Variants in NRXN3 observed in about 807,000 individuals in gnomAD.
NRXN3 encodes neurexin 3.
A neutral mutation model predicts 137.6 loss-of-function variants in NRXN3; 32 were observed. The observed-to-expected ratio is 0.23, with a 90% CI of 0.18 to 0.31. NRXN3 has a LOEUF of 0.31. Ranked by LOEUF, NRXN3 falls within the 10% of genes least tolerant of loss-of-function variation. NRXN3 has a pLI of 1.00. For missense variants in NRXN3, 1,574 were observed against 2,062.5 expected, an observed-to-expected ratio of 0.76 and a Z score of 4.59; for synonymous variants, 798 against 784.5, an observed-to-expected ratio of 1.02 and a Z score of -0.29.
At chr14:79,732,613 G>A (rs1343207710) in intron 19 of NRXN3, among the ~76,000 whole-genome samples, 1 of 152,034 alleles carries the variant, frequency 6.6e-6, no homozygotes, top group East Asian at 1.9e-4. Flanking sequence ...TTAAAAACTG[G>A]GTCTTTTGTG....
At chr14:79,236,295 G>A (rs1478704760) in intron 15 of NRXN3, among the ~76,000 whole-genome samples, 1 of 151,894 alleles carries the variant, frequency 6.6e-6, no homozygotes, top group African/African-American at 2.4e-5. Flanking sequence ...TATTTATATG[G>A]TGTATATAGG....
intron 8 of NRXN3, among the ~76,000 whole-genome samples, chr14:78,781,066 T>G (rs970417441): frequency 1.3e-5 from 2 of 152,178 alleles, no homozygotes; most frequent in African/African-American, 2.4e-5. Context: ...CTCTATATAA[T>G]ATAATAACAT....
intron 19 of NRXN3, among the ~76,000 whole-genome samples, chr14:79,778,586 GTTGTTTGT>G (rs936094644): frequency 6.6e-6 from 1 of 152,142 alleles, no homozygotes; most frequent in African/African-American, 2.4e-5. Flanking sequence ...GGAGTAGCAT[GTTGTTTGT>G]TTGTTTGTTT....
intron 4 of NRXN3, among the ~76,000 whole-genome samples, chr14:78,415,886 A>G (rs569547883): frequency 2.0e-5 from 3 of 152,228 alleles, no homozygotes; most frequent in South Asian, 2.1e-4. Context: ...GAACCCAACT[A>G]TGCCGGCACA....
chr14:78,621,149 T>C lies in NRXN3; in HGVS notation c.758-23971T>C, dbSNP rs758871387. 2.8e-4 allele frequency among the ~76,000 whole-genome samples: 42 copies of C among 152,254 alleles called. 1 individual carries two copies. The highest frequency in any genetic ancestry group is 5.1e-4 in the Non-Finnish European group (35 of 68,012). On this transcript the variant is annotated intron_variant, in intron 4 of 20. Coordinates refer to ENST00000335750, the MANE Select transcript of NRXN3 (RefSeq NM_001330195.2). ...CAGAGAAATACCAAGATCTAGAGCA[T>C]TGAGGGATATTTTGATGAAGCTCTG...
At chr14:78,977,623 T>C (rs1192746673) in intron 14 of NRXN3, among the ~76,000 whole-genome samples, 2 of 152,178 alleles carry the variant, frequency 1.3e-5, no homozygotes, top group Non-Finnish European at 1.5e-5. Context: ...CTACCAGCCA[T>C]CCTCTCACTC....
chr14:78,216,636 G>T (rs2153419390), intron 1 of NRXN3, among the ~76,000 whole-genome samples: 1 of 152,336 alleles, frequency 6.6e-6, no homozygotes, highest in African/African-American at 2.4e-5. Context: ...AGTTTGAAAA[G>T]GAGCATAGCT....
intron 17 of NRXN3, among the ~76,000 whole-genome samples, chr14:79,672,132 A>G (rs1315682300): frequency 6.6e-6 from 1 of 152,182 alleles, no homozygotes; most frequent in African/African-American, 2.4e-5. Context: ...TGAGCAAAAG[A>G]ATAATTTTGC....
intron 16 of NRXN3, among the ~76,000 whole-genome samples, chr14:79,560,965 G>A (rs1359288752): frequency 6.6e-6 from 1 of 152,124 alleles, no homozygotes; most frequent in Non-Finnish European, 1.5e-5. Context: ...GCCTCTTTAT[G>A]AACCAGACGC....
At chr14:78,202,241 C>T (rs74063974) in intron 1 of NRXN3, among the ~76,000 whole-genome samples, 8,770 of 152,198 alleles carry the variant, frequency 0.058, 839 homozygotes, top group African/African-American at 0.2. Flanking sequence ...TGCCTGAAAA[C>T]GAAGGGAACA....
intron 4 of NRXN3, among the ~76,000 whole-genome samples, chr14:78,470,907 C>G (rs558392979): frequency 6.6e-6 from 1 of 152,080 alleles, no homozygotes; most frequent in Non-Finnish European, 1.5e-5. Flanking sequence ...CTGACAGCAA[C>G]CTTCCGAAGG....
At chr14:78,201,569 G>C (rs1286101842) in intron 1 of NRXN3, among the ~76,000 whole-genome samples, 1 of 152,216 alleles carries the variant, frequency 6.6e-6, no homozygotes, top group Admixed American at 6.5e-5. Context: ...TTGGAGCAGG[G>C]GGAGCCTGCA....
intron 3 of NRXN3, among the ~76,000 whole-genome samples, chr14:78,286,368 A>G (rs1023033201): frequency 1.3e-5 from 2 of 152,216 alleles, no homozygotes; most frequent in Admixed American, 6.5e-5. Context: ...ATTCTAGACC[A>G]GTTCCCTCCC....
intron 17 of NRXN3, among the ~76,000 whole-genome samples, chr14:79,666,614 T>TTTTCAG: frequency 6.6e-6 from 1 of 152,140 alleles, no homozygotes; most frequent in Non-Finnish European, 1.5e-5. Flanking sequence ...AATTGGGCAG[T>TTTTCAG]TTTCACTATT....
chr14:79,459,613 C>T (rs964400172), intron 15 of NRXN3, among the ~76,000 whole-genome samples: 11 of 151,972 alleles, frequency 7.2e-5, no homozygotes, highest in African/African-American at 2.4e-4. Context: ...GCCTGTGGTA[C>T]ATTTTACACA....
At chr14:79,542,105 G>C (rs895912558) in intron 16 of NRXN3, among the ~76,000 whole-genome samples, 1 of 152,186 alleles carries the variant, frequency 6.6e-6, no homozygotes, top group Admixed American at 6.5e-5. Flanking sequence ...GTTTTTCTGT[G>C]CATTGATTAA....
chr14:78,863,174 C>A (rs1041636211), intron 10 of NRXN3, among the ~76,000 whole-genome samples: 1 of 152,106 alleles, frequency 6.6e-6, no homozygotes, highest in Non-Finnish European at 1.5e-5. Flanking sequence ...AATACAACAT[C>A]CTCAATCTGA....
chr14:78,307,099 A>G (rs1400451747), intron 4 of NRXN3, among the ~76,000 whole-genome samples: 1 of 152,182 alleles, frequency 6.6e-6, no homozygotes, highest in Non-Finnish European at 1.5e-5. Context: ...GTGTGTGAAC[A>G]CATAGGGAAT....
At chr14:78,810,393 A>AACTG in intron 10 of NRXN3, 49 bp downstream of exon 10, 3 of 1,105,108 alleles carry the variant, frequency 2.7e-6, no homozygotes, top group Non-Finnish European at 3.8e-6. Flanking sequence ...AAAAAAACAA[A>AACTG]ACTGACTTTA....
Sources: gnomAD v4.1 joint callset for allele counts (sites outside exome capture counted in the v4.1 genomes callset) on GRCh38, gnomAD v4.1.1 for gene constraint, MANE v1.5 for transcripts, NCBI Gene and HGNC (gene_info 2026-07-23, HGNC 2026-07-21) for gene names.